Variants in WDR41 observed in about 807,000 individuals in gnomAD.
The protein encoded by WDR41 is WD repeat-containing protein 41.
WDR41 carries 63 observed loss-of-function variants against 69.3 expected under a neutral mutation model. That is an observed-to-expected ratio of 0.91 (90% CI 0.74 to 1.12). The LOEUF is 1.12. Among genes scored for constraint, WDR41 ranks in the 50% most tolerant of loss-of-function variants. The pLI, the probability that WDR41 is intolerant of heterozygous loss-of-function variation, is 0.00. For missense variants in WDR41, 543 were observed against 534.5 expected (o/e 1.02, Z -0.16); for synonymous variants, 185 against 192.1 (o/e 0.96, Z 0.31).
At chr5:77,491,205 CT>C in intron 1 of WDR41, 3 of 398,986 alleles carry the variant, frequency 7.5e-6, no homozygotes, top group South Asian at 1.7e-5. Context: ...TGTAAAAGTC[CT>C]TTTCCTGGCT....
At chr5:77,468,360 G>A (rs1800398879) in intron 2 of WDR41, among the ~76,000 whole-genome samples, 1 of 152,116 alleles carries the variant, frequency 6.6e-6, no homozygotes, top group Non-Finnish European at 1.5e-5. Flanking sequence ...TAGATCATGA[G>A]TCCTTAGAGA....
intron 1 of WDR41, among the ~76,000 whole-genome samples, chr5:77,559,959 A>G (rs1430950682): frequency 1.3e-5 from 2 of 152,268 alleles, no homozygotes; most frequent in South Asian, 2.1e-4. Context: ...CAATCTATCT[A>G]GTCAGTGTGT....
intron 1 of WDR41, among the ~76,000 whole-genome samples, chr5:77,605,087 C>A (rs1461653874): frequency 1.3e-5 from 2 of 152,092 alleles, no homozygotes; most frequent in Non-Finnish European, 2.9e-5. Context: ...AATTGTTAAC[C>A]ATTCTACCCT....
intron 1 of WDR41, among the ~76,000 whole-genome samples, chr5:77,510,291 T>A (rs1802178834): frequency 6.6e-6 from 1 of 152,046 alleles, no homozygotes; most frequent in Non-Finnish European, 1.5e-5. Flanking sequence ...ACCCATTCAC[T>A]CTCACAAGAA....
At chr5:77,449,127 A>G (rs1350307537) in intron 8 of WDR41, among the ~76,000 whole-genome samples, 1 of 152,176 alleles carries the variant, frequency 6.6e-6, no homozygotes, top group Non-Finnish European at 1.5e-5. Context: ...CTGAATGTCA[A>G]GATCAGTGGT....
chr5:77,467,766 A>T (rs536260245), intron 2 of WDR41, among the ~76,000 whole-genome samples: 1 of 152,080 alleles, frequency 6.6e-6, no homozygotes, highest in Non-Finnish European at 1.5e-5. Flanking sequence ...AAATAGATTG[A>T]TTAATGATGG....
At chr5:77,594,719 C>A (rs763606360) in intron 1 of WDR41, among the ~76,000 whole-genome samples, 13 of 152,252 alleles carry the variant, frequency 8.5e-5, no homozygotes, top group Non-Finnish European at 1.6e-4. Context: ...CGTAACAGAG[C>A]CCTTCACTGT....
intron 1 of WDR41, among the ~76,000 whole-genome samples, chr5:77,586,223 TTATA>T (rs1257974453): frequency 6.6e-6 from 1 of 152,142 alleles, no homozygotes; most frequent in Non-Finnish European, 1.5e-5. Context: ...ATTTTATACT[TTATA>T]TGGGTAAATT....
intron 2 of WDR41, among the ~76,000 whole-genome samples, chr5:77,478,219 G>T (rs1801047607): frequency 6.6e-6 from 1 of 152,130 alleles, no homozygotes; most frequent in Non-Finnish European, 1.5e-5. Flanking sequence ...GGACCAGATG[G>T]ATTCACAGCC....
chr5:77,582,328 A>G (rs921690350), intron 1 of WDR41: 13 of 1,544,342 alleles, frequency 8.4e-6, no homozygotes, highest in Non-Finnish European at 1.2e-5. Context: ...ACAAGTTAAC[A>G]AGTGCAGAGT....
rs189716811 is a variant in WDR41, at chr5:77,530,192, T to C, written c.43-40620A>G. 9.3e-4 allele frequency among the ~76,000 whole-genome samples: 141 copies of C among 151,754 alleles called. 1 individual carries two copies. Among genetic ancestry groups the C allele is most frequent in the Admixed American group, 8.7e-3 (133 of 15,238 alleles). ...CCAACCTCAAATATTGGCAAGAATG[T>C]AGAGCAAACAAAACTCTCATTCATT... On this transcript the variant is annotated intron_variant, in intron 1 of 5. Transcript: ENST00000509971.
At chr5:77,504,139 T>C (rs1327995906) in intron 1 of WDR41, among the ~76,000 whole-genome samples, 4 of 138,840 alleles carry the variant, frequency 2.9e-5, no homozygotes, top group African/African-American at 5.6e-5. Context: ...GCAAGACTAA[T>C]AAAGAAAAAA....
chr5:77,531,177 CT>C (rs1802524364), intron 1 of WDR41, among the ~76,000 whole-genome samples: 1 of 151,780 alleles, frequency 6.6e-6, no homozygotes, highest in Non-Finnish European at 1.5e-5. Flanking sequence ...AAATTTAAAA[CT>C]TTTGTGCATC....
chr5:77,480,859 C>T (rs1388518638), intron 2 of WDR41, among the ~76,000 whole-genome samples: 2 of 151,382 alleles, frequency 1.3e-5, no homozygotes, highest in African/African-American at 4.9e-5. Context: ...TATTAGAATA[C>T]CAAAAAAATC....
At chr5:77,445,664 T>C (rs1561732565) in intron 8 of WDR41, among the ~76,000 whole-genome samples, 2 of 152,032 alleles carry the variant, frequency 1.3e-5, no homozygotes, top group African/African-American at 4.8e-5. Context: ...ACAGAACCAA[T>C]GACAAAAACC....
chr5:77,486,894 AT>A (rs34862779), intron 2 of WDR41, among the ~76,000 whole-genome samples: 86,968 of 151,832 alleles, frequency 0.57, 26,906 homozygotes, highest in African/African-American at 0.81. Flanking sequence ...CTGACAGAGC[AT>A]ATAGGTAACT....
intron 2 of WDR41, among the ~76,000 whole-genome samples, chr5:77,477,758 A>T (rs1801015182): frequency 8.4e-6 from 1 of 119,054 alleles, no homozygotes. Context: ...CATCACAATT[A>T]AAAGAACTAG....
chr5:77,585,721 G>C (rs1744025571), intron 1 of WDR41, among the ~76,000 whole-genome samples: 1 of 152,152 alleles, frequency 6.6e-6, no homozygotes, highest in Non-Finnish European at 1.5e-5. Flanking sequence ...AGTAACTCAG[G>C]AGTGGAAAAT....
At chr5:77,474,103 C>T (rs1800767389) in intron 2 of WDR41, among the ~76,000 whole-genome samples, 1 of 152,092 alleles carries the variant, frequency 6.6e-6, no homozygotes, top group African/African-American at 2.4e-5. Context: ...TACTATGCAG[C>T]CATAAAACAT....
Sources: gnomAD v4.1 joint callset for allele counts (sites outside exome capture counted in the v4.1 genomes callset) on GRCh38, gnomAD v4.1.1 for gene constraint, MANE v1.5 for transcripts, NCBI Gene and HGNC (gene_info 2026-07-23, HGNC 2026-07-21) for gene names.